C12orf42: variants seen among roughly 807,000 people sequenced by gnomAD.
C12orf42 encodes the protein uncharacterized protein C12orf42.
Under a neutral mutation model 21.6 loss-of-function variants are expected in C12orf42, and 25 were observed. The ratio of observed to expected loss-of-function variants is 1.16; its 90% CI spans 0.84 to 1.62. The LOEUF is 1.62. C12orf42 is among the 40% of genes most tolerant of loss of function. The probability of loss-of-function intolerance (pLI) is 0.00; values close to 1 mark genes in which losing one functional copy is unlikely to be tolerated. For missense variants in C12orf42, 483 were observed against 459.3 expected (o/e 1.05, Z -0.47); for synonymous variants, 174 against 175.0 (o/e 0.99, Z 0.05).
At chr12:103,356,077 A>G (rs2043519715) in intron 4 of C12orf42, among the ~76,000 whole-genome samples, 1 of 152,066 alleles carries the variant, frequency 6.6e-6, no homozygotes, top group South Asian at 2.1e-4. Context: ...ATTCAAACTT[A>G]AAAGTCTAAC....
chr12:103,381,296 G>GTTC (rs1398062755), intron 3 of C12orf42, among the ~76,000 whole-genome samples: 1 of 152,198 alleles, frequency 6.6e-6, no homozygotes, highest in Non-Finnish European at 1.5e-5. Flanking sequence ...AGTATGGAAT[G>GTTC]TTCTATAGAG....
downstream of C12orf42, among the ~76,000 whole-genome samples, chr12:103,236,135 T>C (rs2033460432): frequency 6.6e-6 from 1 of 152,214 alleles, no homozygotes. Flanking sequence ...TCTAATTACC[T>C]GTCACTTTTC....
chr12:103,157,809 A>G, the C12orf42 span, among the ~76,000 whole-genome samples: 1 of 152,092 alleles, frequency 6.6e-6, no homozygotes, highest in African/African-American at 2.4e-5. Context: ...GAGGTCTCTG[A>G]GAAATATTAC....
At chr12:103,447,156 A>C (rs903480056) in intron 2 of C12orf42, among the ~76,000 whole-genome samples, 2 of 152,102 alleles carry the variant, frequency 1.3e-5, no homozygotes, top group East Asian at 3.9e-4. Context: ...AATTATATAG[A>C]GTACTCTCTC....
chr12:103,380,742 C>G (rs535173446), intron 3 of C12orf42, among the ~76,000 whole-genome samples: 1 of 152,284 alleles, frequency 6.6e-6, no homozygotes, highest in African/African-American at 2.4e-5. Context: ...AAACTAACAG[C>G]AACTAACATG....
chr12:103,278,608 G>A (rs920311446), intron 4 of C12orf42, among the ~76,000 whole-genome samples: 1 of 152,210 alleles, frequency 6.6e-6, no homozygotes, highest in Admixed American at 6.5e-5. Flanking sequence ...CTGGGTGAGT[G>A]GTCTCATCAC....
At chr12:103,186,709 G>A in the C12orf42 span, among the ~76,000 whole-genome samples, 1 of 152,082 alleles carries the variant, frequency 6.6e-6, no homozygotes, top group African/African-American at 2.4e-5. Context: ...TAAAATACAA[G>A]GTTCAAGTGG....
intron 2 of C12orf42, among the ~76,000 whole-genome samples, chr12:103,434,580 C>G (rs931456104): frequency 6.6e-6 from 1 of 152,172 alleles, no homozygotes; most frequent in Non-Finnish European, 1.5e-5. Context: ...GAGGCATTGC[C>G]TCACCTGGGA....
the C12orf42 span, chr12:103,558,035 A>C: frequency 2.0e-5 from 3 of 152,096 alleles, no homozygotes; most frequent in African/African-American, 7.2e-5. Flanking sequence ...CTATCCCTCC[A>C]TCAAGTGGTG....
the C12orf42 span, among the ~76,000 whole-genome samples, chr12:103,113,906 C>T: frequency 6.6e-6 from 1 of 152,302 alleles, no homozygotes; most frequent in South Asian, 2.1e-4. Flanking sequence ...TATTTCATCT[C>T]TTACATGTTT....
chr12:103,379,228 G>C (rs1212263341), intron 3 of C12orf42, among the ~76,000 whole-genome samples: 1 of 152,206 alleles, frequency 6.6e-6, no homozygotes, highest in African/African-American at 2.4e-5. Context: ...AATGGGAACA[G>C]GCATCCTCAC....
At chr12:103,452,639 A>C (rs1318476750) in intron 2 of C12orf42, among the ~76,000 whole-genome samples, 1 of 152,162 alleles carries the variant, frequency 6.6e-6, no homozygotes, top group African/African-American at 2.4e-5. Context: ...ATGTCCATCA[A>C]TGATAGACTG....
chr12:103,497,074 A>C (rs1364954136), upstream of C12orf42, among the ~76,000 whole-genome samples: 4 of 152,246 alleles, frequency 2.6e-5, no homozygotes, highest in Non-Finnish European at 4.4e-5. Context: ...ACCATGAATC[A>C]GGCTAATTTT....
chr12:103,398,476 T>C (rs892982379), intron 3 of C12orf42, among the ~76,000 whole-genome samples: 7 of 152,176 alleles, frequency 4.6e-5, no homozygotes, highest in African/African-American at 1.4e-4. Flanking sequence ...TTGTCCTTTA[T>C]TTTTGTTTTA....
chr12:103,464,550 G>A (rs952014325), intron 2 of C12orf42, among the ~76,000 whole-genome samples: 2 of 151,966 alleles, frequency 1.3e-5, no homozygotes, highest in African/African-American at 4.8e-5. Context: ...CTATTACTGG[G>A]CAGAAGCTCT....
intron 2 of C12orf42, among the ~76,000 whole-genome samples, chr12:103,460,503 T>C (rs1952625442): frequency 6.6e-6 from 1 of 152,076 alleles, no homozygotes; most frequent in African/African-American, 2.4e-5. Flanking sequence ...CTGAGTAGGG[T>C]CCAGTACTGA....
At chr12:103,062,187 A>G in the C12orf42 span, among the ~76,000 whole-genome samples, 1 of 151,394 alleles carries the variant, frequency 6.6e-6, no homozygotes, top group Non-Finnish European at 1.5e-5. Context: ...ATTGTTTTAT[A>G]AAGTCATTAT....
the C12orf42 span, among the ~76,000 whole-genome samples, chr12:103,218,616 G>C: frequency 1.3e-5 from 2 of 152,138 alleles, no homozygotes; most frequent in African/African-American, 2.4e-5. Context: ...AGGCAGAGGT[G>C]TCTACTTTTT....
chr12:103,479,416 G>A (rs568850130), intron 1 of C12orf42, among the ~76,000 whole-genome samples: 3 of 152,016 alleles, frequency 2.0e-5, no homozygotes, highest in South Asian at 2.1e-4. Context: ...ATAAGAGGAG[G>A]TGATATCAAC....
Sources: gnomAD v4.1 joint callset for allele counts (sites outside exome capture counted in the v4.1 genomes callset) on GRCh38, gnomAD v4.1.1 for gene constraint, MANE v1.5 for transcripts, NCBI Gene and HGNC (gene_info 2026-07-23, HGNC 2026-07-21) for gene names.